TMEM38B: variants seen among roughly 807,000 people sequenced by gnomAD.
The protein encoded by TMEM38B is trimeric intracellular cation channel type B.
TMEM38B carries 24 observed loss-of-function variants against 28.7 expected under a neutral mutation model. The observed-to-expected ratio is 0.84, with a 90% CI of 0.61 to 1.18. The LOEUF (loss-of-function observed/expected upper bound fraction) is 1.18, where lower values mean the gene tolerates loss of function less well. Among genes scored for constraint, TMEM38B ranks in the 50% most tolerant of loss-of-function variants. The probability of loss-of-function intolerance (pLI) is 0.00; values close to 1 mark genes in which losing one functional copy is unlikely to be tolerated. For synonymous variants in TMEM38B, 131 were observed against 127.7 expected (o/e 1.03, Z -0.17); for missense variants, 380 against 350.9 (o/e 1.08, Z -0.66).
At chr9:105,765,086 A>T (rs1340405862) in intron 5 of TMEM38B, among the ~76,000 whole-genome samples, 1 of 152,188 alleles carries the variant, frequency 6.6e-6, no homozygotes, top group Non-Finnish European at 1.5e-5. Context: ...TCAATTCAAG[A>T]TGGATTAAAG....
In TMEM38B at chr9:105,705,577, A is replaced by G; in HGVS notation, c.113-20A>G. 1 of 1,605,928 alleles carries G rather than the reference A, an allele frequency of 6.2e-7. No individual in the cohort carries two copies. The highest frequency in any genetic ancestry group is 8.5e-7 in the Non-Finnish European group (1 of 1,174,942). On this transcript the variant is annotated intron_variant, in intron 1 of 5. Transcript: ENST00000374692. The stretch of plus-strand genomic sequence containing the variant: ...TAAATGTATAATGATCACAGACCAT[A>G]TTTTACTTTACCATTTCAGGAGCAG...
intron 5 of TMEM38B, chr9:105,758,395 T>C (rs1204962596): frequency 1.4e-5 from 18 of 1,324,402 alleles, no homozygotes; most frequent in Non-Finnish European, 2.0e-5. Context: ...ACCACATCTT[T>C]TCGAGCAGGA....
intron 4 of TMEM38B, among the ~76,000 whole-genome samples, chr9:105,733,222 T>G (rs1372578689): frequency 3.3e-5 from 5 of 152,256 alleles, no homozygotes; most frequent in Middle Eastern, 3.4e-3. Flanking sequence ...TGATTTGGGG[T>G]GGAGAGTTCT....
intron 5 of TMEM38B, among the ~76,000 whole-genome samples, chr9:105,766,128 TAGG>T (rs1434563538): frequency 1.3e-5 from 2 of 152,160 alleles, no homozygotes; most frequent in African/African-American, 2.4e-5. Context: ...ACTTAATAAC[TAGG>T]AGGAGAATTG....
chr9:105,734,013 A>G (rs1209767470), intron 4 of TMEM38B, among the ~76,000 whole-genome samples: 1 of 148,420 alleles, frequency 6.7e-6, no homozygotes, highest in Non-Finnish European at 1.5e-5. Flanking sequence ...TTCTTTTTTT[A>G]TTTCCTTGAT....
intron 5 of TMEM38B, chr9:105,749,165 A>C (rs1032301766): frequency 1.6e-6 from 2 of 1,229,970 alleles, no homozygotes; most frequent in Admixed American, 5.1e-5. Flanking sequence ...CCAGTCCTCA[A>C]ATGTTGAGCC....
At chr9:105,765,449 G>A (rs910556448) in intron 5 of TMEM38B, among the ~76,000 whole-genome samples, 9 of 152,154 alleles carry the variant, frequency 5.9e-5, no homozygotes, top group African/African-American at 1.9e-4. Flanking sequence ...CACAGTCAAT[G>A]TATGAAACAT....
chr9:105,739,562 G>A (rs1837116137), intron 4 of TMEM38B, among the ~76,000 whole-genome samples: 1 of 151,958 alleles, frequency 6.6e-6, no homozygotes, highest in Non-Finnish European at 1.5e-5. Context: ...GTGTCACTCT[G>A]TCCCCAGGCT....
At chr9:105,713,393 C>T (rs1030478541) in intron 2 of TMEM38B, among the ~76,000 whole-genome samples, 8 of 152,214 alleles carry the variant, frequency 5.3e-5, no homozygotes, top group Admixed American at 2.6e-4. Flanking sequence ...TGCCTGGCCT[C>T]TCCCCAATCT....
chr9:105,769,635 G>A (rs1283688859), intron 5 of TMEM38B, among the ~76,000 whole-genome samples: 1 of 152,076 alleles, frequency 6.6e-6, no homozygotes, highest in Non-Finnish European at 1.5e-5. Context: ...TCCTGCAAAT[G>A]TTCTTTTTCA....
At chr9:105,745,177 G>C (rs995094787) in intron 4 of TMEM38B, among the ~76,000 whole-genome samples, 45 of 152,166 alleles carry the variant, frequency 3.0e-4, no homozygotes, top group African/African-American at 9.9e-4. Flanking sequence ...TCTTCACAAT[G>C]GTTGAACTAG....
chr9:105,709,046 C>T (rs1014500647), intron 2 of TMEM38B, among the ~76,000 whole-genome samples: 1 of 151,506 alleles, frequency 6.6e-6, no homozygotes, highest in Non-Finnish European at 1.5e-5. Flanking sequence ...AGAACATGTC[C>T]CCTATAAAAT....
intron 4 of TMEM38B, among the ~76,000 whole-genome samples, chr9:105,737,769 G>T (rs1837042024): frequency 2.0e-5 from 3 of 152,320 alleles, no homozygotes; most frequent in African/African-American, 7.2e-5. Flanking sequence ...GGGAATTGGA[G>T]TGCCACGTCA....
chr9:105,764,794 A>G (rs1370217936), intron 5 of TMEM38B, among the ~76,000 whole-genome samples: 1 of 151,540 alleles, frequency 6.6e-6, no homozygotes, highest in Non-Finnish European at 1.5e-5. Context: ...AGCCAAAAGA[A>G]CAAAGCTGGA....
Position 105,775,306 on chromosome 9 carries a change from A to G in TMEM38B, c.*1226A>G, listed in dbSNP as rs1588488333. 1 of 152,098 alleles carries G rather than the reference A, an allele frequency of 6.6e-6. No individual in the cohort carries two copies. The highest frequency in any genetic ancestry group is 1.9e-4 in the East Asian group (1 of 5,200). 9.4% of individuals were successfully genotyped at this position (152,098 alleles called of 1,614,324 possible). A position where few individuals can be genotyped will look rare whatever the true frequency, so the allele number is the denominator to read the frequency against. On this transcript the variant is annotated 3_prime_UTR_variant, in exon 6 of 6. Coordinates refer to ENST00000374692, the MANE Select transcript of TMEM38B (RefSeq NM_018112.3). ...AAATCTGGTTCCTTCTTAGCAAAAT[A>G]AAAAACAAACAAGAAAAGATACTAA...
chr9:105,698,306 T>C (rs1247455447), intron 1 of TMEM38B, among the ~76,000 whole-genome samples: 1 of 152,152 alleles, frequency 6.6e-6, no homozygotes, highest in Non-Finnish European at 1.5e-5. Context: ...TATTCCTGAA[T>C]TTAATGAGAA....
intron 2 of TMEM38B, among the ~76,000 whole-genome samples, chr9:105,721,025 C>A (rs1836298595): frequency 6.6e-6 from 1 of 152,128 alleles, no homozygotes; most frequent in Admixed American, 6.5e-5. Context: ...TCCTTGTGAG[C>A]CGTCATGTAC....
At chr9:105,700,178 T>A (rs1835418275) in intron 1 of TMEM38B, among the ~76,000 whole-genome samples, 1 of 152,198 alleles carries the variant, frequency 6.6e-6, no homozygotes, top group South Asian at 2.1e-4. Context: ...CAAATATTCA[T>A]TGAAACTCTG....
At chr9:105,725,396 T>C (rs1836472901) in intron 4 of TMEM38B, among the ~76,000 whole-genome samples, 1 of 150,354 alleles carries the variant, frequency 6.7e-6, no homozygotes, top group African/African-American at 2.5e-5. Flanking sequence ...ACTAGATGAC[T>C]GTATGAATTA....
Sources: allele counts gnomAD v4.1 joint callset (sites outside exome capture counted in the v4.1 genomes callset), GRCh38; gene constraint gnomAD v4.1.1; transcripts MANE v1.5; gene names NCBI Gene and HGNC (gene_info 2026-07-23, HGNC 2026-07-21).